Variants in PACS2 observed in about 807,000 individuals in gnomAD.
PACS2 encodes PACS1-like protein.
Under a neutral mutation model 113.0 loss-of-function variants are expected in PACS2, and 36 were observed. The ratio of observed to expected loss-of-function variants is 0.32; its 90% CI spans 0.24 to 0.42. The LOEUF (loss-of-function observed/expected upper bound fraction) is 0.42, where lower values mean the gene tolerates loss of function less well. Among genes scored for constraint, PACS2 ranks in the 10% least tolerant of loss-of-function variants. PACS2 has a pLI of 1.00. For missense variants in PACS2, 1,015 were observed against 1,239.5 expected (o/e 0.82, Z 2.72); for synonymous variants, 589 against 536.1 (o/e 1.10, Z -1.36).
chr14:105,317,669 C>T lies in PACS2; in HGVS notation c.119+2632C>T, dbSNP rs1369748082. ...TTTCAGCAGTTTCTTTAGAGATAGT[C>T]ATCCTTTCTCGGCTGTGTTGAGGAT... is the stretch of plus-strand genomic sequence containing the variant. On this transcript the variant is annotated intron_variant, in intron 1 of 24. Transcript: ENST00000447393. The surrounding 1 kb of genome is among the most constrained non-coding windows in gnomAD (Gnocchi z 4.2). Among the ~76,000 whole-genome samples, 1 of 151,972 alleles carries T rather than the reference C, an allele frequency of 6.6e-6. No individual in the cohort carries two copies. Among genetic ancestry groups the T allele is most frequent in the African/African-American group, 2.4e-5 (1 of 41,342 alleles).
chr14:105,320,704 A>G (rs1209990403), intron 1 of PACS2, among the ~76,000 whole-genome samples: 1 of 152,190 alleles, frequency 6.6e-6, no homozygotes, highest in African/African-American at 2.4e-5. Context: ...TCTGGGGTCT[A>G]TGTGCTTCCT....
upstream of PACS2, chr14:105,314,408 G>T (rs1005520845): frequency 4.4e-4 from 66 of 150,762 alleles, no homozygotes; most frequent in Middle Eastern, 3.2e-3. Flanking sequence ...GAAGCTGGCC[G>T]GGACCCGGTG....
rs1555410438 is a variant in PACS2, at chr14:105,376,447, TG to T, written c.802-319del. On this transcript the variant is annotated intron_variant, in intron 8 of 24. Coordinates refer to ENST00000447393, the MANE Select transcript of PACS2 (RefSeq NM_001100913.3). This position sits in a 1 kb window ranked among gnomAD's most constrained non-coding sequence, Gnocchi z 4.7. ...GGAGCACTTTCTGTCTTGGTTTTGGTGGTGGCTGCACAGTGGCCCACACCCG... is the reference window on the plus strand; with the variant it reads ...GGAGCACTTTCTGTCTTGGTTTTGGTGTGGCTGCACAGTGGCCCACACCCG... Among the ~76,000 whole-genome samples, 1 of 152,032 alleles carries T rather than the reference TG, an allele frequency of 6.6e-6. No homozygotes were observed. Among genetic ancestry groups the T allele is most frequent in the Non-Finnish European group, 1.5e-5 (1 of 67,994 alleles).
In PACS2 at chr14:105,391,632, C is replaced by T. The variant is rs200112087; in HGVS notation, c.2121C>T (p.Gly707=). Residue 707 remains glycine (G), a splice_region_variant and synonymous_variant, in exon 22 of 25, where the codon GGC becomes GGT. Coordinates refer to ENST00000447393, the MANE Select transcript of PACS2 (RefSeq NM_001100913.3). ...GIVEPSSATS[G]DSDDAAPSGS... is the part of the protein sequence containing the mutation. ...CTGCCCTGTGACTCCTCCCCAAAGG[C>T]GACTCGGACGACGCGGCCCCCTCGG... 642 of 1,608,478 alleles carry T rather than the reference C, an allele frequency of 4.0e-4. 1 individual carries two copies. Among genetic ancestry groups the T allele is most frequent in the South Asian group, 1.4e-3 (130 of 90,754 alleles).
intron 1 of PACS2, among the ~76,000 whole-genome samples, chr14:105,334,336 G>T (rs1216292807): frequency 6.6e-6 from 1 of 152,252 alleles, no homozygotes; most frequent in Non-Finnish European, 1.5e-5. Flanking sequence ...ATTGGAAGGA[G>T]AGAGCTGTTC....
At chr14:105,313,245 G>A (rs978397662), upstream of PACS2, among the ~76,000 whole-genome samples, 1 of 152,248 alleles carries the variant, frequency 6.6e-6, no homozygotes, top group Non-Finnish European at 1.5e-5. Flanking sequence ...CGTACGCTCA[G>A]TTCTGGGGTC....
At position 105,348,373 on chromosome 14, in the gene PACS2, C is replaced by T; in HGVS notation, c.120-120C>T. 1.4e-6 allele frequency: 1 copy of T among 695,690 alleles called. No homozygotes were observed. The highest frequency in any genetic ancestry group is 1.7e-5 in the South Asian group (1 of 57,228). The allele number at this position is 695,690 out of a possible 1,614,324, so 43.1% of individuals were successfully genotyped here. ...GAGGTCCTGGGGCCGCCCAGGCAGT[C>T]ACACCCCGCCCTGCACCCCAGGGTG... On this transcript the variant is annotated intron_variant, in intron 1 of 24. Transcript: ENST00000447393. This position sits in a 1 kb window ranked among gnomAD's most constrained non-coding sequence, Gnocchi z 6.4.
At chr14:105,337,699 A>G (rs1555400785) in intron 1 of PACS2, among the ~76,000 whole-genome samples, 1 of 152,160 alleles carries the variant, frequency 6.6e-6, no homozygotes, top group African/African-American at 2.4e-5. Context: ...TCCAAACCCC[A>G]GGGCCCACCT....
chr14:105,369,832 G>C lies in PACS2; in HGVS notation c.742-9G>C. On this transcript the variant is annotated splice_polypyrimidine_tract_variant and intron_variant, in intron 7 of 24. Transcript: ENST00000447393. ...CGGCGGCTCTGACTCTGCACCGCCT[G>C]TCTTGCAGCAACAGAACTTCAAGCA... 1 of 1,584,202 alleles carries C rather than the reference G, an allele frequency of 6.3e-7. No homozygotes were observed. The highest frequency in any genetic ancestry group is 8.6e-7 in the Non-Finnish European group (1 of 1,168,026).
At chr14:105,368,024 TC>T in intron 5 of PACS2, 49 bp from the exon 6 acceptor site, 5 of 1,281,130 alleles carry the variant, frequency 3.9e-6, no homozygotes, top group Non-Finnish European at 5.7e-6. Context: ...CTGCCTGGTT[TC>T]CCGGGTGGAA....
At chr14:105,368,038 T>G (rs782547936) in intron 5 of PACS2, 36 bp from the exon 6 acceptor site, 10 of 1,449,078 alleles carry the variant, frequency 6.9e-6, no homozygotes, top group Middle Eastern at 1.7e-4. Flanking sequence ...GGGTGGAATC[T>G]CACGGCACCC....
Position 105,315,166 on chromosome 14 carries a change from C to T in PACS2, c.119+129C>T. ...CCCAGGTCGCCCCCCGCGCCCCCGC[C>T]CGCCGGTTCGACGCGTGCAGCCGCC... On this transcript the variant is annotated intron_variant, in intron 1 of 24. Transcript: ENST00000447393. The surrounding 1 kb of genome is among the most constrained non-coding windows in gnomAD (Gnocchi z 4.4). 1 of 476,960 alleles carries T rather than the reference C, an allele frequency of 2.1e-6. No homozygotes were observed. The allele number at this position is 476,960 out of a possible 1,614,324, so 29.5% of individuals were successfully genotyped here.
chr14:105,367,167 T>C (rs1555408115), intron 4 of PACS2, 46 bp from the exon 5 acceptor site: 2 of 1,580,174 alleles, frequency 1.3e-6, no homozygotes, highest in East Asian at 4.5e-5. Flanking sequence ...GCACCGGGGC[T>C]CCTTCCCGTC....
intron 4 of PACS2, among the ~76,000 whole-genome samples, chr14:105,364,407 C>T (rs1241950685): frequency 0.011 from 1,010 of 96,086 alleles, 28 homozygotes; most frequent in African/African-American, 0.048. Context: ...GTCCCGGGTG[C>T]GCGGTGGGCG....
chr14:105,335,222 G>C (rs779562028), intron 1 of PACS2, among the ~76,000 whole-genome samples: 1 of 152,260 alleles, frequency 6.6e-6, no homozygotes, highest in South Asian at 2.1e-4. Context: ...CAGCCACCTC[G>C]GAGGCTTCCC....
intron 8 of PACS2, among the ~76,000 whole-genome samples, chr14:105,373,787 CAAA>C (rs587725045): frequency 7.3e-6 from 1 of 137,462 alleles, no homozygotes. Context: ...GACCCTGTCT[CAAA>C]AAAAAAAAAG....
chr14:105,364,859 C>T (rs143666751), intron 4 of PACS2, among the ~76,000 whole-genome samples: 4 of 151,938 alleles, frequency 2.6e-5, no homozygotes, highest in Admixed American at 2.6e-4. Flanking sequence ...CCATGCCCAG[C>T]TAATTTTTTA....
chr14:105,375,766 C>T (rs1555410271), intron 8 of PACS2, among the ~76,000 whole-genome samples: 1 of 152,212 alleles, frequency 6.6e-6, no homozygotes, highest in Non-Finnish European at 1.5e-5. Flanking sequence ...CCCTGTTCTT[C>T]AGTGTTGACT....
chr14:105,335,506 C>T (rs2059482599), intron 1 of PACS2, among the ~76,000 whole-genome samples: 1 of 152,234 alleles, frequency 6.6e-6, no homozygotes, highest in Admixed American at 6.5e-5. Flanking sequence ...CCATCAGTTC[C>T]TTCCCCTATT....
Sources: gnomAD v4.1 joint callset for allele counts (sites outside exome capture counted in the v4.1 genomes callset) on GRCh38, gnomAD v4.1.1 for gene constraint, Gnocchi (gnomAD v3.1) non-coding constraint, MANE v1.5 for transcripts, NCBI Gene and HGNC (gene_info 2026-07-23, HGNC 2026-07-21) for gene names.